KLF12: variants seen among roughly 807,000 people sequenced by gnomAD.
The protein encoded by KLF12 is KLF transcription factor 12.
A neutral mutation model predicts 37.8 loss-of-function variants in KLF12; 9 were observed. The ratio of observed to expected loss-of-function variants is 0.24; its 90% CI spans 0.14 to 0.42. KLF12 has a LOEUF of 0.42. KLF12 is among the 10% of genes least tolerant of loss of function. The pLI, the probability that KLF12 is intolerant of heterozygous loss-of-function variation, is 1.00. For missense variants in KLF12, 411 were observed against 516.0 expected (o/e 0.80, Z 1.97); for synonymous variants, 208 against 202.1 (o/e 1.03, Z -0.25).
intron 2 of KLF12, among the ~76,000 whole-genome samples, chr13:73,965,006 C>T (rs888521054): frequency 3.3e-5 from 5 of 152,192 alleles, no homozygotes; most frequent in African/African-American, 1.2e-4. Flanking sequence ...AGCTCCATTG[C>T]ATACCGGGGT....
At chr13:74,010,538 A>C (rs957746616) in intron 1 of KLF12, among the ~76,000 whole-genome samples, 3 of 152,130 alleles carry the variant, frequency 2.0e-5, no homozygotes. Flanking sequence ...CACATCCACA[A>C]ATGGCTTAAT....
At chr13:73,712,295 G>A (rs958119893) in intron 7 of KLF12, among the ~76,000 whole-genome samples, 34 of 138,266 alleles carry the variant, frequency 2.5e-4, no homozygotes, top group Admixed American at 1.6e-3. Context: ...CCGAGATTGC[G>A]CCATTGCACT....
At chr13:74,205,264 A>G in the KLF12 span, among the ~76,000 whole-genome samples, 1 of 152,164 alleles carries the variant, frequency 6.6e-6, no homozygotes. Context: ...GTGAATTCAT[A>G]ATAAAACAAA....
intron 2 of KLF12, among the ~76,000 whole-genome samples, chr13:73,990,495 A>G (rs1179224293): frequency 1.3e-5 from 2 of 152,214 alleles, no homozygotes; most frequent in Non-Finnish European, 2.9e-5. Flanking sequence ...TGAGGGAAGT[A>G]ATAATACTAC....
At chr13:73,987,069 GC>G (rs1891843262) in intron 2 of KLF12, among the ~76,000 whole-genome samples, 1 of 152,110 alleles carries the variant, frequency 6.6e-6, no homozygotes, top group Non-Finnish European at 1.5e-5. Flanking sequence ...AATAGTTGAA[GC>G]AGCATGTTAA....
the KLF12 span, among the ~76,000 whole-genome samples, chr13:74,143,203 ACT>A: frequency 1.8e-4 from 26 of 144,694 alleles, no homozygotes; most frequent in African/African-American, 5.6e-4. Context: ...CCTCTTTCTT[ACT>A]CTCTCTCTCT....
At chr13:73,920,366 A>G (rs182418421) in intron 3 of KLF12, among the ~76,000 whole-genome samples, 1 of 152,050 alleles carries the variant, frequency 6.6e-6, no homozygotes, top group East Asian at 1.9e-4. Flanking sequence ...CTAAGTGGAG[A>G]TAAGTCATCT....
chr13:73,809,930 T>TATTACAA (rs1364720998), intron 5 of KLF12, among the ~76,000 whole-genome samples: 1 of 152,194 alleles, frequency 6.6e-6, no homozygotes, highest in Non-Finnish European at 1.5e-5. Flanking sequence ...GCATTTGCAC[T>TATTACAA]ATTACATAAA....
At chr13:74,203,349 G>A in the KLF12 span, among the ~76,000 whole-genome samples, 1 of 151,962 alleles carries the variant, frequency 6.6e-6, no homozygotes, top group East Asian at 1.9e-4. Context: ...GAAGATGATG[G>A]CAAATTGAGC....
intron 1 of KLF12, among the ~76,000 whole-genome samples, chr13:74,109,171 G>A (rs903787002): frequency 2.7e-4 from 41 of 152,082 alleles, no homozygotes; most frequent in African/African-American, 9.9e-4. Flanking sequence ...AGTTTTTGAA[G>A]ATATAAAAAT....
upstream of KLF12, among the ~76,000 whole-genome samples, chr13:74,136,643 T>C (rs1472497601): frequency 6.6e-6 from 1 of 152,184 alleles, no homozygotes; most frequent in Non-Finnish European, 1.5e-5. Flanking sequence ...CTGCACTGCC[T>C]TCCTATGGCA....
At chr13:73,929,998 C>T (rs1291208608) in intron 3 of KLF12, among the ~76,000 whole-genome samples, 1 of 152,166 alleles carries the variant, frequency 6.6e-6, no homozygotes, top group Non-Finnish European at 1.5e-5. Context: ...TCACAAAAGG[C>T]CACTACACAC....
At chr13:74,274,265 G>A in the KLF12 span, among the ~76,000 whole-genome samples, 1 of 151,834 alleles carries the variant, frequency 6.6e-6, no homozygotes, top group East Asian at 1.9e-4. Context: ...CTTCCAGATG[G>A]CACTTAAAAA....
At chr13:73,982,699 T>G (rs1891717885) in intron 2 of KLF12, among the ~76,000 whole-genome samples, 1 of 152,200 alleles carries the variant, frequency 6.6e-6, no homozygotes. Flanking sequence ...AAGCAGTACA[T>G]TCAGAGCATT....
chr13:74,027,561 T>C (rs1188738238), intron 1 of KLF12, among the ~76,000 whole-genome samples: 2 of 152,110 alleles, frequency 1.3e-5, no homozygotes, highest in Non-Finnish European at 2.9e-5. Flanking sequence ...GCTTTAACAG[T>C]AAAACTGAAG....
chr13:73,735,968 T>A (rs976558564), intron 6 of KLF12, among the ~76,000 whole-genome samples: 2 of 151,734 alleles, frequency 1.3e-5, no homozygotes, highest in Admixed American at 6.6e-5. Flanking sequence ...TTTTTTTTTT[T>A]ACCTGCTTCA....
At chr13:74,194,357 G>A in the KLF12 span, among the ~76,000 whole-genome samples, 1 of 152,162 alleles carries the variant, frequency 6.6e-6, no homozygotes, top group African/African-American at 2.4e-5. Context: ...CAAAATACCT[G>A]AGACTGGGTA....
At position 73,694,656 on chromosome 13, in the gene KLF12, T is replaced by C. The variant is rs913618345; in HGVS notation, c.*834A>G. On this transcript the variant is annotated 3_prime_UTR_variant, in exon 8 of 8. Coordinates refer to ENST00000377669, the MANE Select transcript of KLF12 (RefSeq NM_007249.5). ...ACTAGGGGCAGGAAGAGATGATGCC[T>C]AGGTGACAGAACACTGCAATTTGAA... 2 of 152,662 alleles carry C rather than the reference T, an allele frequency of 1.3e-5. No homozygotes were observed. The highest frequency in any genetic ancestry group is 4.8e-5 in the African/African-American group (2 of 41,442). The allele number at this position is 152,662 out of a possible 1,614,324, so 9.5% of individuals were successfully genotyped here.
chr13:74,260,844 TA>T, the KLF12 span, among the ~76,000 whole-genome samples: 792 of 152,046 alleles, frequency 5.2e-3, 5 homozygotes, highest in African/African-American at 0.018. Flanking sequence ...CAAATTGGGT[TA>T]AAGAATAAAA....
Sources: allele counts gnomAD v4.1 joint callset (sites outside exome capture counted in the v4.1 genomes callset), GRCh38; gene constraint gnomAD v4.1.1; transcripts MANE v1.5; gene names NCBI Gene and HGNC (gene_info 2026-07-23, HGNC 2026-07-21).